Variants in PPP2R2C observed in about 807,000 individuals in gnomAD.
PPP2R2C encodes protein phosphatase 2, regulatory subunit B, gamma.
In PPP2R2C, 10 loss-of-function variants were observed where a neutral mutation model predicts 45.3. The ratio of observed to expected loss-of-function variants is 0.22; its 90% CI spans 0.14 to 0.37. The LOEUF (loss-of-function observed/expected upper bound fraction) is 0.37. Ranked by LOEUF, PPP2R2C falls within the 10% of genes least tolerant of loss-of-function variation. PPP2R2C has a pLI of 1.00. For synonymous variants in PPP2R2C, 257 were observed against 245.4 expected (o/e 1.05, Z -0.44); for missense variants, 308 against 619.7 (o/e 0.50, Z 5.34).
At position 6,328,521 on chromosome 4, in the gene PPP2R2C, C is replaced by G. The variant is rs1039864145; in HGVS notation, c.1052+741G>C. 6.6e-6 allele frequency among the ~76,000 whole-genome samples: 1 copy of G among 152,168 alleles called. No homozygotes were observed. Among genetic ancestry groups the G allele is most frequent in the Non-Finnish European group, 1.5e-5 (1 of 68,026 alleles). Reference sequence around the variant, plus strand: ...TTTGGGAGGGCAGAAGAGGGATTTTCCCACCTCCAGAATGGAGGAAGAATC... The same window carrying G: ...TTTGGGAGGGCAGAAGAGGGATTTTGCCACCTCCAGAATGGAGGAAGAATC... On this transcript the variant is annotated intron_variant, in intron 8 of 8. Transcript: ENST00000382599. This position sits in a 1 kb window ranked among gnomAD's most constrained non-coding sequence, Gnocchi z 4.4.
At chr4:6,468,926 T>G (rs73796215) in intron 1 of PPP2R2C, among the ~76,000 whole-genome samples, 1 of 148,186 alleles carries the variant, frequency 6.7e-6, no homozygotes, top group Non-Finnish European at 1.5e-5. Context: ...CAGGGCCCAG[T>G]GCCCTATCAG....
chr4:6,421,487 C>A (rs757042658), intron 1 of PPP2R2C, among the ~76,000 whole-genome samples: 2 of 152,154 alleles, frequency 1.3e-5, no homozygotes, highest in Non-Finnish European at 2.9e-5. Context: ...GTGGATTACC[C>A]GGAAGTGCCG....
At position 6,331,245 on chromosome 4, in the gene PPP2R2C, A is replaced by G. The variant is rs1202863094; in HGVS notation, c.961-1892T>C. ...CCTGCCCTCTAGTGGCAGGGTGAGG[A>G]AGAGCTCTGGAGAAAGACTGTCAAT... On this transcript the variant is annotated intron_variant, in intron 7 of 8. Transcript: ENST00000382599. This position sits in a 1 kb window ranked among gnomAD's most constrained non-coding sequence, Gnocchi z 5.9. Among the ~76,000 whole-genome samples, 2 of 152,080 alleles carry G rather than the reference A, an allele frequency of 1.3e-5. No homozygotes were observed. Among genetic ancestry groups the G allele is most frequent in the Non-Finnish European group, 2.9e-5 (2 of 68,022 alleles).
At chr4:6,416,961 G>A (rs1223095273) in intron 1 of PPP2R2C, among the ~76,000 whole-genome samples, 1 of 152,132 alleles carries the variant, frequency 6.6e-6, no homozygotes, top group Admixed American at 6.5e-5. Context: ...TCTTCCTGGG[G>A]GAGAACAGCC....
chr4:6,430,896 G>A (rs1224435436), intron 1 of PPP2R2C, among the ~76,000 whole-genome samples: 7 of 151,852 alleles, frequency 4.6e-5, no homozygotes, highest in African/African-American at 1.7e-4. Flanking sequence ...CTGCACTCCA[G>A]CCTGGGCGAC....
intron 1 of PPP2R2C, among the ~76,000 whole-genome samples, chr4:6,449,661 C>T (rs375408437): frequency 3.5e-4 from 53 of 152,316 alleles, no homozygotes; most frequent in African/African-American, 1.2e-3. Context: ...TCTAAGTCCC[C>T]AAGCACCAGG....
chr4:6,408,371 T>G (rs1300523453), intron 1 of PPP2R2C, among the ~76,000 whole-genome samples: 2 of 152,284 alleles, frequency 1.3e-5, no homozygotes, highest in South Asian at 2.1e-4. Context: ...CTTCACTGCA[T>G]GATCACATCC....
At chr4:6,549,122 C>A (rs4358467) in intron 1 of PPP2R2C, among the ~76,000 whole-genome samples, 29,832 of 152,118 alleles carry the variant, frequency 0.2, 3,155 homozygotes, top group Middle Eastern at 0.32. Context: ...CTGGTCTAAG[C>A]CACCATCATT....
chr4:6,385,571 T>A (rs1469562455), intron 1 of PPP2R2C, among the ~76,000 whole-genome samples: 1 of 152,062 alleles, frequency 6.6e-6, no homozygotes, highest in Non-Finnish European at 1.5e-5. Flanking sequence ...GCTTTTATTT[T>A]ATTTATTTAT....
chr4:6,345,244 C>T lies in PPP2R2C; in HGVS notation c.790+2602G>A, dbSNP rs186832417. Among the ~76,000 whole-genome samples the T allele has an allele frequency of 5.8e-4, 89 of 152,260 alleles. No individual in the cohort carries two copies. The highest frequency in any genetic ancestry group is 2.1e-3 in the African/African-American group (86 of 41,552). ...AATATTCTCCCATTCCATTCGGACC[C>T]AGACCTGGCTGTACACAGGCACAGC... is the stretch of plus-strand genomic sequence containing the variant. On this transcript the variant is annotated intron_variant, in intron 6 of 8. Coordinates refer to ENST00000382599, the MANE Select transcript of PPP2R2C (RefSeq NM_020416.4). This position sits in a 1 kb window ranked among gnomAD's most constrained non-coding sequence, Gnocchi z 5.3.
Position 6,485,253 on chromosome 4 carries a change from C to A in PPP2R2C, c.49+50018G>T, listed in dbSNP as rs530970382. On this transcript the variant is annotated intron_variant, in intron 2 of 9. Transcript: ENST00000506140. ...CCTACCATGCATTCCTGGGATAAAC[C>A]CACTTGGCTATGATGTATTATCCTT... Among the ~76,000 whole-genome samples the A allele has an allele frequency of 8.4e-4, 128 of 151,692 alleles. No homozygotes were observed. In the Middle Eastern group the frequency reaches 0.01, roughly 12 times the overall value.
At chr4:6,473,946 C>T (rs1277324970), upstream of PPP2R2C, among the ~76,000 whole-genome samples, 2 of 152,174 alleles carry the variant, frequency 1.3e-5, no homozygotes, top group Non-Finnish European at 2.9e-5. Context: ...TGGGGAGAGG[C>T]CCTGGGGCCC....
intron 1 of PPP2R2C, among the ~76,000 whole-genome samples, chr4:6,410,263 C>G (rs1718075027): frequency 6.6e-6 from 1 of 152,206 alleles, no homozygotes; most frequent in African/African-American, 2.4e-5. Context: ...CTTGTTCACA[C>G]AGAGCCTAAT....
intron 1 of PPP2R2C, among the ~76,000 whole-genome samples, chr4:6,463,095 T>TA (rs1190836775): frequency 6.6e-6 from 1 of 152,146 alleles, no homozygotes; most frequent in Non-Finnish European, 1.5e-5. Flanking sequence ...TTTGAAATTG[T>TA]AAAAAAACAT....
Position 6,456,054 on chromosome 4 carries a change from T to C in PPP2R2C, c.70+16106A>G, listed in dbSNP as rs1037845122. 1.1e-4 allele frequency among the ~76,000 whole-genome samples: 17 copies of C among 152,342 alleles called. No individual in the cohort carries two copies. The South Asian group carries it at 2.5e-3, about 22-fold the overall frequency. ...CCCTACCCCACCCACACACCTGTTA[T>C]AGACAATCAACACTAATCGGATCAA... On this transcript the variant is annotated intron_variant, in intron 1 of 8. Coordinates refer to ENST00000382599, the MANE Select transcript of PPP2R2C (RefSeq NM_020416.4).
At chr4:6,544,886 G>C (rs9654057) in intron 1 of PPP2R2C, among the ~76,000 whole-genome samples, 14,300 of 152,246 alleles carry the variant, frequency 0.094, 711 homozygotes, top group South Asian at 0.2. Context: ...GTTGATTCCA[G>C]GTTTATTTTG....
chr4:6,468,802 G>A (rs1329085692), intron 1 of PPP2R2C, among the ~76,000 whole-genome samples: 1 of 152,010 alleles, frequency 6.6e-6, no homozygotes, highest in Non-Finnish European at 1.5e-5. Flanking sequence ...ACTGAGGCCT[G>A]CCGCAAAAAG....
At chr4:6,420,093 T>TG (rs1718860855) in intron 1 of PPP2R2C, among the ~76,000 whole-genome samples, 2 of 152,210 alleles carry the variant, frequency 1.3e-5, no homozygotes, top group African/African-American at 4.8e-5. Flanking sequence ...AACTATATTC[T>TG]CAGAGGTACA....
chr4:6,346,929 G>A (rs996625321), intron 6 of PPP2R2C, among the ~76,000 whole-genome samples: 1 of 152,222 alleles, frequency 6.6e-6, no homozygotes, highest in Non-Finnish European at 1.5e-5. Flanking sequence ...AGGGGAACCA[G>A]ATAAGCAAAG....
Sources: allele counts gnomAD v4.1 joint callset (sites outside exome capture counted in the v4.1 genomes callset), GRCh38; gene constraint gnomAD v4.1.1; non-coding constraint Gnocchi (gnomAD v3.1); transcripts MANE v1.5; gene names NCBI Gene and HGNC (gene_info 2026-07-23, HGNC 2026-07-21).